The following PCDHA6 variants were observed in gnomAD, a reference collection of about 807,000 sequenced individuals.
The protein encoded by PCDHA6 is protocadherin alpha 6.
Under a neutral mutation model 60.3 loss-of-function variants are expected in PCDHA6, and 55 were observed. The observed-to-expected ratio is 0.91, with a 90% CI of 0.73 to 1.14. The LOEUF (loss-of-function observed/expected upper bound fraction) is 1.14. Ranked by LOEUF, PCDHA6 falls within the 50% of genes most tolerant of loss-of-function variation. The probability of loss-of-function intolerance (pLI) is 0.00; values close to 1 mark genes in which losing one functional copy is unlikely to be tolerated. For missense variants in PCDHA6, 1,327 were observed against 1,256.5 expected, an observed-to-expected ratio of 1.06 and a Z score of -0.85; for synonymous variants, 652 against 557.9, an observed-to-expected ratio of 1.17 and a Z score of -2.38.
At chr5:140,892,563 T>G (rs1554185281) in intron 1 of PCDHA6, among the ~76,000 whole-genome samples, 2 of 152,248 alleles carry the variant, frequency 1.3e-5, no homozygotes, top group Admixed American at 6.5e-5. Context: ...CCTTGGAGAC[T>G]GTCAAAAGTA....
At chr5:140,849,432 A>C (rs2150437335) in intron 1 of PCDHA6, 5 of 1,580,716 alleles carry the variant, frequency 3.2e-6, no homozygotes, top group African/African-American at 1.4e-5. Context: ...TTTTGAAGAA[A>C]GTAGAGCACA....
At chr5:140,921,663 T>G (rs1427342485) in intron 1 of PCDHA6, among the ~76,000 whole-genome samples, 1 of 152,144 alleles carries the variant, frequency 6.6e-6, no homozygotes, top group Admixed American at 6.5e-5. Flanking sequence ...TAATAAAAAT[T>G]TAACAGTTAT....
chr5:140,865,652 A>G (rs1413896571), intron 1 of PCDHA6: 1 of 152,206 alleles, frequency 6.6e-6, no homozygotes, highest in Non-Finnish European at 1.5e-5. Context: ...ACATTATTTC[A>G]TTTAATACTT....
chr5:140,882,336 C>T, intron 1 of PCDHA6: 1 of 1,614,162 alleles, frequency 6.2e-7, no homozygotes, highest in Non-Finnish European at 8.5e-7. Flanking sequence ...ATCCTCGCAG[C>T]CTGGGAGACG....
At chr5:140,976,718 C>A (rs2096728735) in intron 1 of PCDHA6, among the ~76,000 whole-genome samples, 1 of 152,096 alleles carries the variant, frequency 6.6e-6, no homozygotes, top group South Asian at 2.1e-4. Context: ...CATTATAGTT[C>A]ATTTATTTAA....
chr5:140,831,196 T>TG (rs2150105872), intron 1 of PCDHA6: 1 of 152,356 alleles, frequency 6.6e-6, no homozygotes, highest in South Asian at 2.1e-4. Flanking sequence ...TTAGACCTTG[T>TG]GATCAAGTAA....
At chr5:140,833,401 T>C (rs1772445861) in intron 1 of PCDHA6, among the ~76,000 whole-genome samples, 1 of 152,180 alleles carries the variant, frequency 6.6e-6, no homozygotes, top group South Asian at 2.1e-4. Flanking sequence ...CAAGACTTGA[T>C]CAAAGGGCTG....
intron 1 of PCDHA6, among the ~76,000 whole-genome samples, chr5:140,954,127 T>A (rs530320994): frequency 2.6e-5 from 4 of 152,372 alleles, no homozygotes; most frequent in Non-Finnish European, 5.9e-5. Context: ...TTCCTTTTTA[T>A]GGATGCATAG....
In PCDHA6 at chr5:141,010,127, T is replaced by A. The variant is rs1419190844; in HGVS notation, c.*190T>A. On this transcript the variant is annotated 3_prime_UTR_variant, in exon 4 of 4. Transcript: ENST00000529310. ...TTTGTCGTAAAAGCTTTACTAAGTC[T>A]GGTGTTAACTCTTTCTCTCCACTCT... The A allele has an allele frequency of 1.9e-6, 3 of 1,602,472 alleles. No individual in the cohort carries two copies. Among genetic ancestry groups the A allele is most frequent in the Non-Finnish European group, 2.6e-6 (3 of 1,173,756 alleles).
chr5:140,984,726 A>C (rs549219216), intron 3 of PCDHA6, among the ~76,000 whole-genome samples: 51 of 152,276 alleles, frequency 3.3e-4, no homozygotes, highest in Non-Finnish European at 5.0e-4. Flanking sequence ...AAAGATTAAG[A>C]TTATGATTTA....
intron 1 of PCDHA6, chr5:140,862,418 G>A (rs868906297): frequency 8.8e-5 from 31 of 352,850 alleles, no homozygotes; most frequent in African/African-American, 6.4e-4. Flanking sequence ...AAAAGGCGCT[G>A]CCCAGAAACT....
chr5:140,864,705 G>T (rs1321181111), intron 1 of PCDHA6: 1 of 152,172 alleles, frequency 6.6e-6, no homozygotes, highest in Admixed American at 6.5e-5. Flanking sequence ...AAGTTGTTGA[G>T]CTCTTCTACT....
At chr5:140,880,241 C>A (rs529552139) in intron 1 of PCDHA6, among the ~76,000 whole-genome samples, 1 of 150,190 alleles carries the variant, frequency 6.7e-6, no homozygotes, top group African/African-American at 2.5e-5. Flanking sequence ...AGTGTATGTG[C>A]GTGTGTGTAT....
intron 1 of PCDHA6, among the ~76,000 whole-genome samples, chr5:140,912,045 C>T (rs1276989293): frequency 2.0e-5 from 3 of 152,196 alleles, no homozygotes; most frequent in African/African-American, 4.8e-5. Flanking sequence ...AGTCCCAAAG[C>T]TGAAGAACTT....
intron 3 of PCDHA6, among the ~76,000 whole-genome samples, chr5:140,990,800 A>C (rs1474894854): frequency 3.9e-5 from 6 of 152,216 alleles, no homozygotes; most frequent in Non-Finnish European, 2.9e-5. Context: ...CATGGAATAC[A>C]GAAGAAGCTC....
intron 3 of PCDHA6, among the ~76,000 whole-genome samples, chr5:140,985,689 C>A (rs1237077456): frequency 6.6e-6 from 1 of 151,906 alleles, no homozygotes; most frequent in African/African-American, 2.4e-5. Flanking sequence ...TTACGCTAAT[C>A]CTCGTTCATA....
At chr5:140,863,142 G>C (rs782245937) in intron 1 of PCDHA6, 1 of 609,728 alleles carries the variant, frequency 1.6e-6, no homozygotes. Flanking sequence ...TGCTGGTGCT[G>C]GTGAAGGACC....
intron 1 of PCDHA6, among the ~76,000 whole-genome samples, chr5:140,961,545 C>A (rs1486984950): frequency 6.6e-6 from 1 of 152,146 alleles, no homozygotes; most frequent in Non-Finnish European, 1.5e-5. Flanking sequence ...GTTCCTGCAG[C>A]ATTTCTTTTT....
At chr5:140,883,376 G>C in intron 1 of PCDHA6, 1 of 1,614,116 alleles carries the variant, frequency 6.2e-7, no homozygotes, top group Non-Finnish European at 8.5e-7. Context: ...CGCCATTATT[G>C]CCCTAATCAG....
Sources: allele counts gnomAD v4.1 joint callset (sites outside exome capture counted in the v4.1 genomes callset), GRCh38; gene constraint gnomAD v4.1.1; transcripts MANE v1.5; gene names NCBI Gene and HGNC (gene_info 2026-07-23, HGNC 2026-07-21).